MCF2L2: variants seen among roughly 807,000 people sequenced by gnomAD.
MCF2L2 encodes MCF.2 cell line derived transforming sequence-like 2.
In MCF2L2, 102 loss-of-function variants were observed where a neutral mutation model predicts 150.2. The ratio of observed to expected loss-of-function variants is 0.68; its 90% CI spans 0.58 to 0.80. MCF2L2 has a LOEUF of 0.80. Among genes scored for constraint, MCF2L2 ranks in the 30% least tolerant of loss-of-function variants. MCF2L2 has a pLI of 0.00. For missense variants in MCF2L2, 1,256 were observed against 1,372.8 expected, an observed-to-expected ratio of 0.91 and a Z score of 1.34; for synonymous variants, 465 against 491.3, an observed-to-expected ratio of 0.95 and a Z score of 0.71.
At chr3:183,415,489 T>C (rs1715542539) in intron 1 of MCF2L2, among the ~76,000 whole-genome samples, 1 of 152,052 alleles carries the variant, frequency 6.6e-6, no homozygotes, top group Non-Finnish European at 1.5e-5. Context: ...ACCCGGCCAA[T>C]AGTTGAATTT....
intron 27 of MCF2L2, among the ~76,000 whole-genome samples, chr3:183,191,991 C>A (rs1158481953): frequency 2.6e-5 from 4 of 151,084 alleles, no homozygotes; most frequent in Admixed American, 2.6e-4. Flanking sequence ...CAGGCGCCCA[C>A]CACCAAGCGC....
chr3:183,296,885 C>A (rs1728534852), intron 12 of MCF2L2, 91 bp downstream of exon 12: 1 of 1,405,384 alleles, frequency 7.1e-7, no homozygotes, highest in Non-Finnish European at 9.7e-7. Flanking sequence ...CTGCTCAGTA[C>A]CCTGTGTGTA....
chr3:183,221,082 C>T (rs905032492), intron 20 of MCF2L2, among the ~76,000 whole-genome samples: 9 of 152,106 alleles, frequency 5.9e-5, no homozygotes, highest in African/African-American at 2.2e-4. Context: ...AAGCTCTGCC[C>T]CTGGGGATAG....
At chr3:183,309,965 A>T (rs1295822062) in intron 9 of MCF2L2, 130 bp from the exon 10 acceptor site, 9 of 1,078,390 alleles carry the variant, frequency 8.3e-6, no homozygotes, top group Non-Finnish European at 1.1e-5. Flanking sequence ...TATATATGTT[A>T]AAAATTTTTT....
At chr3:183,412,303 G>C (rs1219805408) in intron 1 of MCF2L2, among the ~76,000 whole-genome samples, 1 of 151,990 alleles carries the variant, frequency 6.6e-6, no homozygotes, top group Non-Finnish European at 1.5e-5. Flanking sequence ...TGTTGTTGTT[G>C]TTGTTGTTTG....
chr3:183,362,313 C>T (rs1712259444), intron 3 of MCF2L2, among the ~76,000 whole-genome samples: 1 of 152,082 alleles, frequency 6.6e-6, no homozygotes, highest in Admixed American at 6.6e-5. Flanking sequence ...CCACCTTGGC[C>T]AGGCTGATCT....
chr3:183,343,974 C>T (rs1467279007), intron 3 of MCF2L2, among the ~76,000 whole-genome samples: 2 of 151,992 alleles, frequency 1.3e-5, no homozygotes, highest in Admixed American at 6.6e-5. Context: ...AGTTCAAGGC[C>T]GGCCTGAGCA....
chr3:183,307,345 G>A (rs751203777), intron 10 of MCF2L2, among the ~76,000 whole-genome samples: 5 of 152,224 alleles, frequency 3.3e-5, no homozygotes, highest in Non-Finnish European at 7.3e-5. Context: ...TGTCTGAGAA[G>A]TCTGAGGGAA....
intron 3 of MCF2L2, chr3:183,376,581 C>CA (rs1468253304): frequency 5.3e-5 from 8 of 152,340 alleles, no homozygotes; most frequent in African/African-American, 1.9e-4. Flanking sequence ...CGTCAGGGTC[C>CA]CCCTTCTCAC....
At chr3:183,396,444 G>A (rs1432261930) in intron 1 of MCF2L2, among the ~76,000 whole-genome samples, 1 of 152,154 alleles carries the variant, frequency 6.6e-6, no homozygotes, top group Non-Finnish European at 1.5e-5. Context: ...AATGCTCTTA[G>A]TTTTCTTTTG....
chr3:183,384,607 A>G (rs993852875), intron 2 of MCF2L2, among the ~76,000 whole-genome samples: 2 of 152,072 alleles, frequency 1.3e-5, no homozygotes, highest in African/African-American at 4.8e-5. Flanking sequence ...CTGGCCAATC[A>G]GCACTCCTGG....
At chr3:183,321,380 G>C (rs1729803196) in intron 6 of MCF2L2, among the ~76,000 whole-genome samples, 1 of 150,888 alleles carries the variant, frequency 6.6e-6, no homozygotes, top group Admixed American at 6.6e-5. Flanking sequence ...TGAGGTTTCA[G>C]TGAGCTGAGA....
intron 3 of MCF2L2, among the ~76,000 whole-genome samples, chr3:183,353,844 C>A (rs761213278): frequency 1.3e-5 from 2 of 152,168 alleles, no homozygotes; most frequent in Non-Finnish European, 2.9e-5. Context: ...GAAAATAAGG[C>A]AGCCCTTTCC....
chr3:183,184,885 C>T (rs1186553023), intron 27 of MCF2L2, among the ~76,000 whole-genome samples: 1 of 151,910 alleles, frequency 6.6e-6, no homozygotes, highest in Non-Finnish European at 1.5e-5. Flanking sequence ...GTCTTTCAAA[C>T]TAGATTTTTC....
intron 13 of MCF2L2, among the ~76,000 whole-genome samples, chr3:183,290,843 T>C (rs1308666393): frequency 3.9e-5 from 6 of 152,136 alleles, no homozygotes; most frequent in African/African-American, 9.7e-5. Flanking sequence ...ATTTTAGCAT[T>C]TGTAGGTCCC....
chr3:183,417,601 T>C (rs1315862014), intron 1 of MCF2L2, among the ~76,000 whole-genome samples: 1 of 152,262 alleles, frequency 6.6e-6, no homozygotes, highest in African/African-American at 2.4e-5. Context: ...TAACTTCCTT[T>C]AGTATTCCTT....
Position 183,197,640 on chromosome 3 carries a change from T to G in MCF2L2, c.2885-2385A>C, listed in dbSNP as rs967761839. 5.9e-5 allele frequency among the ~76,000 whole-genome samples: 9 copies of G among 152,164 alleles called. No homozygotes were observed. Among genetic ancestry groups the G allele is most frequent in the Non-Finnish European group, 1.0e-4 (7 of 68,020 alleles). ...TATTATAAGAATTAAAGTCTTTTGC[T>G]CTTCAAAAGTCACTCTTAAGAGAAA... On this transcript the variant is annotated intron_variant, in intron 25 of 29. Coordinates refer to ENST00000328913, the MANE Select transcript of MCF2L2 (RefSeq NM_015078.4). This position sits in a 1 kb window ranked among gnomAD's most constrained non-coding sequence, Gnocchi z 4.5.
At chr3:183,274,429 C>T (rs921228009) in intron 15 of MCF2L2, among the ~76,000 whole-genome samples, 4 of 152,188 alleles carry the variant, frequency 2.6e-5, no homozygotes, top group African/African-American at 9.6e-5. Flanking sequence ...CTTACACCTA[C>T]TTTGGAGTGT....
At chr3:183,364,465 A>G (rs1182304512) in intron 3 of MCF2L2, among the ~76,000 whole-genome samples, 2 of 152,162 alleles carry the variant, frequency 1.3e-5, no homozygotes, top group African/African-American at 2.4e-5. Context: ...GCTTGCAGTG[A>G]GCCAAGATCA....
Sources: gnomAD v4.1 joint callset for allele counts (sites outside exome capture counted in the v4.1 genomes callset) on GRCh38, gnomAD v4.1.1 for gene constraint, Gnocchi (gnomAD v3.1) non-coding constraint, MANE v1.5 for transcripts, NCBI Gene and HGNC (gene_info 2026-07-23, HGNC 2026-07-21) for gene names.